Variants in HNF4A observed in about 807,000 individuals in gnomAD.
The protein encoded by HNF4A is hepatocyte nuclear factor 4 alpha.
HNF4A carries 15 observed loss-of-function variants against 52.4 expected under a neutral mutation model. That is an observed-to-expected ratio of 0.29 (90% CI 0.19 to 0.44). The LOEUF (loss-of-function observed/expected upper bound fraction) is 0.44, where lower values mean the gene tolerates loss of function less well. Ranked by LOEUF, HNF4A falls within the 20% of genes least tolerant of loss-of-function variation. The pLI is 1.00. For synonymous variants in HNF4A, 280 were observed against 264.4 expected (o/e 1.06, Z -0.57); for missense variants, 479 against 647.2 (o/e 0.74, Z 2.82).
intron 8 of HNF4A, among the ~76,000 whole-genome samples, chr20:44,425,541 C>T (rs551499687): frequency 7.2e-5 from 11 of 151,962 alleles, no homozygotes; most frequent in East Asian, 1.9e-4. Context: ...GCAGAAATGA[C>T]GATGGAGTAA....
chr20:44,390,769 G>T, intron 1 of HNF4A: 2 of 667,488 alleles, frequency 3.0e-6, no homozygotes, highest in Non-Finnish European at 5.4e-6. Flanking sequence ...CAGACTGGGA[G>T]CAGTGTGGAG....
In HNF4A at chr20:44,378,348, A is replaced by G. The variant is rs966852326; in HGVS notation, c.49+22495A>G. Among the ~76,000 whole-genome samples, 7 of 150,070 alleles carry G rather than the reference A, an allele frequency of 4.7e-5. 1 individual carries two copies. Reference sequence around the variant, plus strand: ...AGTGGCGTGATCTCGGCTCACTACAACCTCCACCTCCCAGGTTCAAGTGAT... The same window carrying G: ...AGTGGCGTGATCTCGGCTCACTACAGCCTCCACCTCCCAGGTTCAAGTGAT... On this transcript the variant is annotated intron_variant, in intron 1 of 9. Coordinates refer to the HNF4A transcript ENST00000316673.
intron 8 of HNF4A, 34 bp from the exon 9 acceptor site, chr20:44,428,301 A>T: frequency 1.2e-6 from 2 of 1,612,176 alleles, no homozygotes; most frequent in Non-Finnish European, 1.7e-6. Context: ...TGCATCCCAG[A>T]CTCTCCATCC....
intron 8 of HNF4A, among the ~76,000 whole-genome samples, chr20:44,425,678 G>A (rs1012400726): frequency 9.7e-6 from 1 of 102,692 alleles, no homozygotes; most frequent in African/African-American, 3.2e-5. Flanking sequence ...TTTTTGAGAC[G>A]AGATCTCTCT....
chr20:44,422,049 T>C (rs979664484), intron 7 of HNF4A, among the ~76,000 whole-genome samples: 1 of 151,952 alleles, frequency 6.6e-6, no homozygotes, highest in African/African-American at 2.4e-5. Context: ...ATTTTACAGA[T>C]AAGGAAACTG....
chr20:44,358,144 A>C (rs6130593), intron 1 of HNF4A, among the ~76,000 whole-genome samples: 65 of 147,348 alleles, frequency 4.4e-4, no homozygotes, highest in African/African-American at 1.5e-3. Context: ...AAAAAAAAAC[A>C]AAACAAAAAA....
chr20:44,434,522 G>A (rs951218610), downstream of HNF4A: 2 of 149,314 alleles, frequency 1.3e-5, no homozygotes, highest in African/African-American at 5.1e-5. Flanking sequence ...CAAGCGCGGG[G>A]GGGGGGGGGT....
intron 5 of HNF4A, among the ~76,000 whole-genome samples, chr20:44,416,765 G>A (rs1426859307): frequency 6.6e-6 from 1 of 151,936 alleles, no homozygotes. Context: ...GGCTTATTTT[G>A]TGCCAAATAT....
intron 5 of HNF4A, 136 bp downstream of exon 5, chr20:44,414,798 T>C: frequency 1.2e-6 from 1 of 812,140 alleles, no homozygotes; most frequent in Non-Finnish European, 2.0e-6. Flanking sequence ...CACACACGTG[T>C]CTGAAACTTT....
intron 1 of HNF4A, chr20:44,384,536 C>T (rs2063196176): frequency 6.6e-6 from 1 of 152,110 alleles, no homozygotes; most frequent in Admixed American, 6.5e-5. Context: ...TAGTACACGC[C>T]CAGCATGGGT....
intron 1 of HNF4A, among the ~76,000 whole-genome samples, chr20:44,373,517 T>C (rs930520834): frequency 1.3e-5 from 2 of 152,004 alleles, no homozygotes; most frequent in African/African-American, 2.4e-5. Flanking sequence ...ATTTTTGTAA[T>C]TCCTCTACCA....
At chr20:44,389,972 GAGA>G (rs1452897079) in intron 1 of HNF4A, 1 of 152,378 alleles carries the variant, frequency 6.6e-6, no homozygotes, top group African/African-American at 2.4e-5. Flanking sequence ...AGGAAAAGGT[GAGA>G]AGGAGACTCA....
At chr20:44,411,620 C>T (rs1188302571) in intron 3 of HNF4A, among the ~76,000 whole-genome samples, 2 of 152,292 alleles carry the variant, frequency 1.3e-5, no homozygotes, top group African/African-American at 4.8e-5. Flanking sequence ...TTGCTTGCCT[C>T]TGGACTTCTG....
intron 2 of HNF4A, 53 bp downstream of exon 2, chr20:44,406,285 C>T: frequency 5.2e-6 from 8 of 1,538,842 alleles, no homozygotes; most frequent in South Asian, 1.1e-5. Flanking sequence ...GGGCTCATGG[C>T]CCCAAGGTCT....
chr20:44,375,147 A>AT (rs2063071532), intron 1 of HNF4A, among the ~76,000 whole-genome samples: 2 of 152,070 alleles, frequency 1.3e-5, no homozygotes, highest in Admixed American at 1.3e-4. Context: ...GATGTTGAAC[A>AT]TTTTTTCATC....
downstream of HNF4A, chr20:44,434,133 GA>G (rs1202185486): frequency 6.6e-6 from 1 of 152,212 alleles, no homozygotes; most frequent in African/African-American, 2.4e-5. Context: ...TAAGGGAGGG[GA>G]CAAAAGTTCT....
At chr20:44,355,960 A>T in intron 1 of HNF4A, 107 bp downstream of exon 1, 1 of 988,142 alleles carries the variant, frequency 1.0e-6, no homozygotes, top group Non-Finnish European at 1.5e-6. Context: ...CTCCTCCTGG[A>T]GCTCCTCTGG....
chr20:44,388,117 C>A (rs894739314), intron 1 of HNF4A, among the ~76,000 whole-genome samples: 1 of 151,034 alleles, frequency 6.6e-6, no homozygotes, highest in Non-Finnish European at 1.5e-5. Flanking sequence ...GAGACAGAGT[C>A]TCACTCTATC....
At chr20:44,434,527 G>T (rs1016811228), downstream of HNF4A, 4 of 149,396 alleles carry the variant, frequency 2.7e-5, no homozygotes, top group Admixed American at 1.4e-4. Context: ...GCGGGGGGGG[G>T]GGGGTGGAGG....
Sources: allele counts gnomAD v4.1 joint callset (sites outside exome capture counted in the v4.1 genomes callset), GRCh38; gene constraint gnomAD v4.1.1; transcripts MANE v1.5; gene names NCBI Gene and HGNC (gene_info 2026-07-23, HGNC 2026-07-21).